The following NUP58 variants were observed in gnomAD, a reference collection of about 807,000 sequenced individuals.
NUP58 encodes nucleoporin 58.
A neutral mutation model predicts 70.1 loss-of-function variants in NUP58; 17 were observed. The observed-to-expected ratio is 0.24, with a 90% CI of 0.17 to 0.36. NUP58 has a LOEUF of 0.36. Ranked by LOEUF, NUP58 falls within the 10% of genes least tolerant of loss-of-function variation. NUP58 has a pLI of 1.00. For missense variants in NUP58, 644 were observed against 701.5 expected (o/e 0.92, Z 0.93); for synonymous variants, 275 against 257.6 (o/e 1.07, Z -0.65).
chr13:25,340,495 G>GT lies in NUP58; in HGVS notation c.*362dup, dbSNP rs1390142067. 1 of 165,212 alleles carries GT rather than the reference G, an allele frequency of 6.1e-6. No individual in the cohort carries two copies. The highest frequency in any genetic ancestry group is 6.4e-5 in the Admixed American group (1 of 15,702). The allele number at this position is 165,212 out of a possible 1,614,324, so 10.2% of individuals were successfully genotyped here. On this transcript the variant is annotated 3_prime_UTR_variant, in exon 16 of 16. Coordinates refer to ENST00000381736, the MANE Select transcript of NUP58 (RefSeq NM_014089.4). ...TGCACATTTGTTTCTTATACAGGTG[G>GT]TGTGAACTCTAGGGCCTATACTAGA...
chr13:25,331,264 A>T, intron 12 of NUP58, 93 bp from the exon 13 acceptor site: 1 of 1,169,998 alleles, frequency 8.5e-7, no homozygotes, highest in Non-Finnish European at 1.2e-6. Context: ...TAATATTGGG[A>T]CTGTCTTTGG....
At chr13:25,336,433 T>C (rs949963976) in intron 13 of NUP58, 11 of 471,890 alleles carry the variant, frequency 2.3e-5, no homozygotes, top group Non-Finnish European at 3.4e-5. Context: ...CTTACTCTTA[T>C]GAAATAACAT....
intron 3 of NUP58, chr13:25,310,055 C>A: frequency 2.6e-6 from 1 of 386,852 alleles, no homozygotes; most frequent in South Asian, 1.9e-5. Context: ...CTTTTTTTTC[C>A]CCTATCAGAC....
chr13:25,331,224 C>A, intron 12 of NUP58, 133 bp from the exon 13 acceptor site: 1 of 776,240 alleles, frequency 1.3e-6, no homozygotes, highest in Non-Finnish European at 2.1e-6. Context: ...GCATTATTAG[C>A]ACTCTAATTT....
intron 1 of NUP58, among the ~76,000 whole-genome samples, chr13:25,305,130 G>GTTTTTTTTT (rs562132125): frequency 4.4e-4 from 26 of 58,570 alleles, no homozygotes; most frequent in East Asian, 1.0e-3. Context: ...GATCTGTGGG[G>GTTTTTTTTT]TTTTTTTTTT....
At chr13:25,303,756 C>T (rs1283531517) in intron 1 of NUP58, among the ~76,000 whole-genome samples, 1 of 152,234 alleles carries the variant, frequency 6.6e-6, no homozygotes, top group Non-Finnish European at 1.5e-5. Context: ...CTATGTCTCT[C>T]ACTGACTAGA....
chr13:25,310,032 G>C (rs1171369465), intron 3 of NUP58: 1 of 397,852 alleles, frequency 2.5e-6, no homozygotes, highest in African/African-American at 2.2e-5. Flanking sequence ...GAATCTTCTT[G>C]TTTTCTTTTT....
chr13:25,320,491 A>G, intron 7 of NUP58, 39 bp from the exon 8 acceptor site: 1 of 1,452,642 alleles, frequency 6.9e-7, no homozygotes, highest in Non-Finnish European at 9.6e-7. Context: ...ACTTTTTAAA[A>G]TCTCAATGAC....
chr13:25,316,960 G>A (rs935059557), intron 6 of NUP58, among the ~76,000 whole-genome samples: 3 of 152,054 alleles, frequency 2.0e-5, no homozygotes, highest in Non-Finnish European at 2.9e-5. Flanking sequence ...AATAACTTGG[G>A]TGTGTTTCTA....
At chr13:25,327,735 T>C (rs1310092093) in intron 12 of NUP58, among the ~76,000 whole-genome samples, 3 of 152,228 alleles carry the variant, frequency 2.0e-5, no homozygotes, top group African/African-American at 7.2e-5. Context: ...ATAACTTTTT[T>C]TTAAGCAGTG....
chr13:25,310,055 C>T (rs1359401872), intron 3 of NUP58: 30 of 386,734 alleles, frequency 7.8e-5, no homozygotes, highest in Non-Finnish European at 1.0e-5. Flanking sequence ...CTTTTTTTTC[C>T]CCTATCAGAC....
At chr13:25,307,741 A>G (rs1440717096) in intron 1 of NUP58, 65 bp from the exon 2 acceptor site, 4 of 1,476,042 alleles carry the variant, frequency 2.7e-6, no homozygotes, top group East Asian at 2.3e-5. Context: ...TTAAGTAAAT[A>G]TTGGCTCTAG....
chr13:25,304,520 AT>A (rs71868545), intron 1 of NUP58, among the ~76,000 whole-genome samples: 32,893 of 92,964 alleles, frequency 0.35, 5,833 homozygotes, highest in Middle Eastern at 0.46. Context: ...ATATATATGT[AT>A]TTTTTTTTTT....
At chr13:25,335,911 A>G (rs1481619308) in intron 13 of NUP58, 6 of 1,101,898 alleles carry the variant, frequency 5.4e-6, no homozygotes, top group Non-Finnish European at 6.7e-6. Flanking sequence ...AAGTTTATTG[A>G]ATAATTTTCA....
At chr13:25,346,889 A>G (rs1432247744), downstream of NUP58, among the ~76,000 whole-genome samples, 2 of 152,158 alleles carry the variant, frequency 1.3e-5, no homozygotes, top group Admixed American at 1.3e-4. Context: ...TTAAATTTGA[A>G]CAACATAAAG....
At chr13:25,342,599 A>T (rs946894155), downstream of NUP58, among the ~76,000 whole-genome samples, 1 of 152,142 alleles carries the variant, frequency 6.6e-6, no homozygotes, top group African/African-American at 2.4e-5. Context: ...AATGACAAAA[A>T]CAGTGAACAT....
intron 13 of NUP58, chr13:25,333,128 G>T (rs2031668371): frequency 5.4e-5 from 53 of 984,336 alleles, no homozygotes; most frequent in Non-Finnish European, 6.3e-5. Flanking sequence ...AAGGGTTTGT[G>T]TGTGTGTGTG....
Position 25,319,976 on chromosome 13 carries a change from A to T in NUP58, c.711-554A>T, listed in dbSNP as rs117015056. On this transcript the variant is annotated intron_variant, in intron 7 of 15. Coordinates refer to ENST00000381736, the MANE Select transcript of NUP58 (RefSeq NM_014089.4). Reference sequence around the variant, plus strand: ...ATCTAACTCATGATTCCATTGCAGCATGCCAGATGTCACTTGTTCTTGTTC... The same window carrying T: ...ATCTAACTCATGATTCCATTGCAGCTTGCCAGATGTCACTTGTTCTTGTTC... Among the ~76,000 whole-genome samples, 820 of 152,256 alleles carry T rather than the reference A, an allele frequency of 5.4e-3. 33 individuals carry two copies. In the East Asian group the frequency reaches 0.093, roughly 17 times the overall value.
chr13:25,313,124 A>T, intron 4 of NUP58, 92 bp downstream of exon 4: 4 of 1,409,158 alleles, frequency 2.8e-6, no homozygotes, highest in Non-Finnish European at 3.8e-6. Flanking sequence ...TACAGAAATT[A>T]TTGATTTATA....
Sources: gnomAD v4.1 joint callset for allele counts (sites outside exome capture counted in the v4.1 genomes callset) on GRCh38, gnomAD v4.1.1 for gene constraint, MANE v1.5 for transcripts, NCBI Gene and HGNC (gene_info 2026-07-23, HGNC 2026-07-21) for gene names.